PAX1: variants seen among roughly 807,000 people sequenced by gnomAD.
PAX1 encodes the protein paired box 1, also known as paired box protein Pax-1.
A neutral mutation model predicts 35.6 loss-of-function variants in PAX1; 18 were observed. The observed-to-expected ratio is 0.50, with a 90% confidence interval of 0.35 to 0.75. PAX1 has a LOEUF of 0.75. PAX1 is among the 30% of genes least tolerant of loss of function. PAX1 has a pLI of 0.01. For missense variants in PAX1, 760 were observed against 661.5 expected, an observed-to-expected ratio of 1.15 and a Z score of -1.63; for synonymous variants, 397 against 305.2, an observed-to-expected ratio of 1.30 and a Z score of -3.14.
intron 2 of PAX1, 142 bp downstream of exon 2, chr20:21,707,209 G>A: frequency 2.1e-6 from 2 of 952,290 alleles, no homozygotes; most frequent in Non-Finnish European, 3.2e-6. Context: ...AGGGAGGCTG[G>A]GGGTCCTGGG....
Position 21,709,294 on chromosome 20 carries a change from G to A in PAX1, c.1132G>A (p.Val378Met), listed in dbSNP as rs367712351. The A allele has an allele frequency of 1.2e-5, 19 of 1,604,046 alleles. No homozygotes were observed. Among genetic ancestry groups the A allele is most frequent in the Admixed American group, 1.2e-4 (7 of 59,966 alleles). Residue 378 changes from valine to methionine, a missense_variant, in exon 4 of 5, where the codon GTG (valine) becomes ATG (methionine). By Grantham distance (21) the Val-to-Met change is conservative (BLOSUM62 1). This residue lies in a region of PAX1 where 490 missense variants were observed against 428.4 expected (regional missense o/e 1.14). Coordinates refer to ENST00000613128, the MANE Select transcript of PAX1 (RefSeq NM_001257096.2). ...CAYPASNQHG[V>M]YSAPGGGYLA... ...CTACCCGGCCTCCAACCAGCACGGC[G>A]TGTACAGCGCCCCGGGCGGCGGCTA...
chr20:21,712,766 GGTCGCTGGCATT>G (rs1985235626), intron 4 of PAX1, among the ~76,000 whole-genome samples: 1 of 152,214 alleles, frequency 6.6e-6, no homozygotes, highest in African/African-American at 2.4e-5. Context: ...AAGAGCACTA[GGTCGCTGGCATT>G]GTCGCACCCG....
At position 21,706,772 on chromosome 20, in the gene PAX1, C is replaced by G. The variant is rs748458679; in HGVS notation, c.621C>G (p.Asp207Glu). Residue 207 changes from aspartate (D) to glutamate (E), a missense_variant, in exon 2 of 5, where the codon GAC (aspartate) becomes GAG (glutamate). By Grantham distance (45) the Asp-to-Glu change is conservative (BLOSUM62 2). Coordinates refer to ENST00000613128, the MANE Select transcript of PAX1 (RefSeq NM_001257096.2). This position sits in a 1 kb window ranked among gnomAD's most constrained non-coding sequence, Gnocchi z 5.3. ...GGCTGCTGGCCGACGGCGTCTGTGA[C>G]AAGTACAATGTGCCTTCGGTGAGCT... is the stretch of plus-strand genomic sequence containing the variant. Reference protein sequence around the residue: ...RDRLLADGVCDKYNVPSVSSI... With the variant: ...RDRLLADGVCEKYNVPSVSSI... The G allele has an allele frequency of 6.2e-7, 1 of 1,613,474 alleles. No homozygotes were observed. Among genetic ancestry groups the G allele is most frequent in the South Asian group, 1.1e-5 (1 of 91,086 alleles).
chr20:21,706,962 C>G lies in PAX1; in HGVS notation c.811C>G (p.Pro271Ala), dbSNP rs756166944. The G allele has an allele frequency of 2.5e-6, 4 of 1,612,426 alleles. No homozygotes were observed. The highest frequency in any genetic ancestry group is 8.5e-7 in the Non-Finnish European group (1 of 1,179,644). The change falls in exon 2 of 5, where the codon CCC becomes GCC. Residue 271 changes from proline to alanine, a missense_variant. Physicochemically the swap from Pro to Ala is conservative, Grantham distance 27. Around this residue, in one of 3 missense-constraint regions of PAX1, gnomAD observed 490 missense variants for 428.4 expected, o/e 1.14. Transcript: ENST00000613128. The surrounding 1 kb of genome is among the most constrained non-coding windows in gnomAD (Gnocchi z 5.3). ...CACGGGCGCCAAGATGGGCAGCCAC[C>G]CCGGGGTCCCGGGCACGGCGGGCCA... is the stretch of plus-strand genomic sequence containing the variant. Reference protein sequence around the residue: ...SPTGAKMGSHPGVPGTAGHVS... With the variant: ...SPTGAKMGSHAGVPGTAGHVS...
chr20:21,711,474 T>C (rs2122143834), intron 4 of PAX1, among the ~76,000 whole-genome samples: 1 of 152,370 alleles, frequency 6.6e-6, no homozygotes, highest in Middle Eastern at 3.4e-3. Context: ...TACAGGGTCA[T>C]TGAATGGTGC....
At chr20:21,709,092 T>C (rs902255555) in intron 3 of PAX1, 130 bp from the exon 4 acceptor site, 3 of 798,370 alleles carry the variant, frequency 3.8e-6, no homozygotes, top group Non-Finnish European at 6.6e-6. Flanking sequence ...AGGCCAGGCC[T>C]CGCATGGGGA....
Position 21,715,825 on chromosome 20 carries a change from C to G in PAX1, c.*1263C>G, listed in dbSNP as rs2031595002. ...CAACCCAGAAAGTATCTTCTAGAGC[C>G]AGCCGCAAGAGCTGTGAGCTGCTTC... On this transcript the variant is annotated 3_prime_UTR_variant, in exon 5 of 5. Transcript: ENST00000613128. 2 of 152,680 alleles carry G rather than the reference C, an allele frequency of 1.3e-5. No individual in the cohort carries two copies. 9.5% of individuals were successfully genotyped at this position (152,680 alleles called of 1,614,324 possible). A position where few individuals can be genotyped will look rare whatever the true frequency, so the allele number is the denominator to read the frequency against.
chr20:21,708,082 AC>A, intron 2 of PAX1, among the ~76,000 whole-genome samples: 1 of 152,116 alleles, frequency 6.6e-6, no homozygotes, highest in East Asian at 1.9e-4. Flanking sequence ...CTTCTATCTG[AC>A]CCGTGGGGAC....
chr20:21,709,541 G>C (rs1985135362), intron 4 of PAX1, 97 bp downstream of exon 4: 2 of 920,280 alleles, frequency 2.2e-6, no homozygotes, highest in Admixed American at 2.9e-5. Flanking sequence ...AGCGGGTGGG[G>C]AAGAGGTGGG....
At position 21,708,580 on chromosome 20, in the gene PAX1, C is replaced by T. The variant is rs780942974; in HGVS notation, c.939C>T (p.Gly313=). 9.9e-6 allele frequency: 16 copies of T among 1,613,800 alleles called. No homozygotes were observed. The highest frequency in any genetic ancestry group is 1.4e-5 in the Non-Finnish European group (16 of 1,180,030). Residue 313 remains glycine (G), a synonymous_variant, in exon 3 of 5, where the codon GGC becomes GGT. Coordinates refer to ENST00000613128, the MANE Select transcript of PAX1 (RefSeq NM_001257096.2). ...CAGGGGCCCTGGCTGGGAGCGAAGG[C>T]ACCGCTTACTCTCCCAAGATGGAAG... The part of the protein sequence containing the change: ...EQTGALAGSE[G]TAYSPKMEDW...
At position 21,716,410 on chromosome 20, in the gene PAX1, A is replaced by T. The variant is rs1985373131; in HGVS notation, c.*1848A>T. 6.6e-6 allele frequency: 1 copy of T among 151,702 alleles called. No homozygotes were observed. Among genetic ancestry groups the T allele is most frequent in the African/African-American group, 2.4e-5 (1 of 41,242 alleles). The allele number at this position is 151,702 out of a possible 1,614,324, so 9.4% of individuals were successfully genotyped here. On this transcript the variant is annotated 3_prime_UTR_variant, in exon 5 of 5. Coordinates refer to ENST00000613128, the MANE Select transcript of PAX1 (RefSeq NM_001257096.2). Reference sequence around the variant, plus strand: ...CTAGTGGTAAACAGTTTTTGTTTCAACTCTTTTTGATAGTATCTGTTGAAG... The same window carrying T: ...CTAGTGGTAAACAGTTTTTGTTTCATCTCTTTTTGATAGTATCTGTTGAAG...
intron 4 of PAX1, among the ~76,000 whole-genome samples, chr20:21,711,790 C>T (rs542799369): frequency 1.2e-4 from 18 of 152,268 alleles, no homozygotes; most frequent in Non-Finnish European, 2.2e-4. Flanking sequence ...GATTTTTACT[C>T]CTTACTGGTA....
chr20:21,716,525 T>TA lies in PAX1; in HGVS notation c.*1966dup, dbSNP rs1985377992. ...TCTTGTCTTTTTTTTTTTTTTTTTT[T>TA]AAAGTTTCACTTTGTAGACAGTGTT... On this transcript the variant is annotated 3_prime_UTR_variant, in exon 5 of 5. Coordinates refer to ENST00000613128, the MANE Select transcript of PAX1 (RefSeq NM_001257096.2). The TA allele has an allele frequency of 1.4e-5, 2 of 143,504 alleles. No individual in the cohort carries two copies. The highest frequency in any genetic ancestry group is 2.8e-5 in the African/African-American group (1 of 36,006). 8.9% of individuals were successfully genotyped at this position (143,504 alleles called of 1,614,324 possible).
Position 21,714,646 on chromosome 20 carries a change from G to T in PAX1, c.*84G>T. 1 of 1,589,108 alleles carries T rather than the reference G, an allele frequency of 6.3e-7. No homozygotes were observed. The highest frequency in any genetic ancestry group is 8.5e-7 in the Non-Finnish European group (1 of 1,170,632). ...GTCTGCGCGGCGGCCCCGGCAATCG[G>T]CACGGGCAGGATCGGAGGACTCGCG... On this transcript the variant is annotated 3_prime_UTR_variant, in exon 5 of 5. Coordinates refer to ENST00000613128, the MANE Select transcript of PAX1 (RefSeq NM_001257096.2).
Position 21,709,315 on chromosome 20 carries a change from G to GGCTA in PAX1, c.1154_1157dup (p.Tyr386Ter), listed in dbSNP as rs2122139711. 1.2e-6 allele frequency: 2 copies of GGCTA among 1,601,200 alleles called. No homozygotes were observed. Among genetic ancestry groups the GGCTA allele is most frequent in the Non-Finnish European group, 1.7e-6 (2 of 1,178,502 alleles). ...CGGCGTGTACAGCGCCCCGGGCGGC[G>GGCTA]GCTACCTCGCCCCGGGCCCGCCGTG... On this transcript the variant is annotated stop_gained and frameshift_variant, in exon 4 of 5. Transcript: ENST00000613128. LOFTEE classifies it high-confidence loss of function.
rs1477687261 is a variant in PAX1 at position 21,706,464 on chromosome 20, C to T, written c.313C>T (p.Leu105=). The stretch of plus-strand genomic sequence containing the variant: ...GCAGACGTATGGCGAGGTGAACCAG[C>T]TGGGCGGTGTGTTCGTCAACGGCCG... ...MEQTYGEVNQ[L]GGVFVNGRPL... is the part of the protein sequence containing the mutation. The change falls in exon 2 of 5, where the codon CTG becomes TTG. Residue 105 remains leucine, a synonymous_variant. Transcript: ENST00000613128. This position sits in a 1 kb window ranked among gnomAD's most constrained non-coding sequence, Gnocchi z 5.3. 1 of 1,611,112 alleles carries T rather than the reference C, an allele frequency of 6.2e-7. No individual in the cohort carries two copies. Among genetic ancestry groups the T allele is most frequent in the South Asian group, 1.1e-5 (1 of 91,050 alleles).
chr20:21,711,205 A>T (rs1985188827), intron 4 of PAX1, among the ~76,000 whole-genome samples: 2 of 152,278 alleles, frequency 1.3e-5, no homozygotes, highest in Admixed American at 1.3e-4. Context: ...CTTAAGGAGA[A>T]GGAAGACTTA....
At position 21,709,368 on chromosome 20, in the gene PAX1, GC is replaced by G. The variant is rs1555804794; in HGVS notation, c.1212del (p.Ala406ProfsTer3). On this transcript the variant is annotated frameshift_variant, in exon 4 of 5. Transcript: ENST00000613128. LOFTEE classifies it high-confidence loss of function. Reference protein sequence around the residue: ...WPPAQGPPLAPPGAGVAVHGG... With the variant: ...WPPAQGPPLAXPGAGVAVHGG... ...CGCCTGCGCAAGGTCCTCCTCTGGC[GC>G]CCCCCGGGGCCGGCGTAGCTGTGCA... is the stretch of plus-strand genomic sequence containing the variant. The G allele has an allele frequency of 2.5e-6, 4 of 1,571,230 alleles. No individual in the cohort carries two copies. Among genetic ancestry groups the G allele is most frequent in the Non-Finnish European group, 8.6e-7 (1 of 1,162,494 alleles).
chr20:21,708,417 G>C (rs1394309360), intron 2 of PAX1, 141 bp from the exon 3 acceptor site: 2 of 938,648 alleles, frequency 2.1e-6, no homozygotes, highest in Non-Finnish European at 3.5e-6. Context: ...AGTCCCTGCC[G>C]CCTCCTGGTG....
Sources: gnomAD v4.1 joint callset for allele counts (sites outside exome capture counted in the v4.1 genomes callset) on GRCh38, gnomAD v4.1.1 for gene constraint, gnomAD v4.1.1 regional missense constraint, Gnocchi (gnomAD v3.1) non-coding constraint, MANE v1.5 for transcripts, NCBI Gene and HGNC (gene_info 2026-07-23, HGNC 2026-07-21) for gene names.